Variants in OLFM2 observed in about 807,000 individuals in gnomAD.
OLFM2 encodes noelin-2.
In OLFM2, 20 loss-of-function variants were observed where a neutral mutation model predicts 43.9. The ratio of observed to expected loss-of-function variants is 0.46; its 90% CI spans 0.32 to 0.66. OLFM2 has a LOEUF of 0.66. Ranked by LOEUF, OLFM2 falls within the 30% of genes least tolerant of loss-of-function variation. The pLI, the probability that OLFM2 is intolerant of heterozygous loss-of-function variation, is 0.04. For missense variants in OLFM2, 416 were observed against 643.6 expected, an observed-to-expected ratio of 0.65 and a Z score of 3.83; for synonymous variants, 268 against 278.6, an observed-to-expected ratio of 0.96 and a Z score of 0.38.
intron 1 of OLFM2, among the ~76,000 whole-genome samples, chr19:9,869,499 T>A (rs1369597599): frequency 6.6e-6 from 1 of 152,222 alleles, no homozygotes; most frequent in Non-Finnish European, 1.5e-5. Flanking sequence ...ACAATGGACA[T>A]GATGACTACC....
intron 1 of OLFM2, among the ~76,000 whole-genome samples, chr19:9,905,951 G>T (rs1214604253): frequency 2.0e-5 from 3 of 152,146 alleles, no homozygotes; most frequent in African/African-American, 4.8e-5. Flanking sequence ...CCGCACACAA[G>T]ACACGCTCTC....
Position 9,936,374 on chromosome 19 carries a change from C to T in OLFM2, c.-8G>A, listed in dbSNP as rs1392058004. ...GACCGTGAGCGGCCACATGACGCGC[C>T]CCTAGCCCGGCGTCCCGACCCCCGC... On this transcript the variant is annotated 5_prime_UTR_variant, in exon 1 of 6. Coordinates refer to ENST00000264833, the MANE Select transcript of OLFM2 (RefSeq NM_058164.4). 5.5e-6 allele frequency: 8 copies of T among 1,450,958 alleles called. No individual in the cohort carries two copies. Among genetic ancestry groups the T allele is most frequent in the Non-Finnish European group, 7.2e-6 (8 of 1,104,610 alleles). The allele number at this position is 1,450,958 out of a possible 1,614,324, so 89.9% of individuals were successfully genotyped here.
chr19:9,891,565 C>T (rs1026509086), intron 1 of OLFM2, among the ~76,000 whole-genome samples: 3 of 150,844 alleles, frequency 2.0e-5, no homozygotes, highest in African/African-American at 7.3e-5. Flanking sequence ...CAGAGGTGAG[C>T]TGAGATGGCA....
chr19:9,878,135 C>T (rs1276134424), intron 1 of OLFM2, among the ~76,000 whole-genome samples: 1 of 152,196 alleles, frequency 6.6e-6, no homozygotes, highest in African/African-American at 2.4e-5. Flanking sequence ...CAGGCGTGAG[C>T]CACCACACCC....
At chr19:9,925,539 C>T (rs2086447459) in intron 1 of OLFM2, among the ~76,000 whole-genome samples, 1 of 151,978 alleles carries the variant, frequency 6.6e-6, no homozygotes, top group South Asian at 2.1e-4. Context: ...GCCTTGACCT[C>T]CTGGGCTCAA....
At chr19:9,877,474 G>A (rs560940060) in intron 1 of OLFM2, among the ~76,000 whole-genome samples, 7 of 151,832 alleles carry the variant, frequency 4.6e-5, no homozygotes, top group East Asian at 3.9e-4. Context: ...CGGAGGTTGC[G>A]GTGAGCCAAG....
intron 1 of OLFM2, among the ~76,000 whole-genome samples, chr19:9,908,500 C>T (rs2046801629): frequency 1.1e-5 from 1 of 87,170 alleles, no homozygotes; most frequent in Non-Finnish European, 2.0e-5. Context: ...TTTTTTGAGA[C>T]AGAGTCTTGC....
intron 1 of OLFM2, among the ~76,000 whole-genome samples, chr19:9,900,515 G>A (rs114052003): frequency 0.042 from 6,329 of 152,032 alleles, 187 homozygotes; most frequent in African/African-American, 0.086. Context: ...TCTCTACCAC[G>A]CACTGCACCC....
chr19:9,864,948 G>A (rs1311825004), intron 1 of OLFM2, among the ~76,000 whole-genome samples: 2 of 151,284 alleles, frequency 1.3e-5, no homozygotes, highest in African/African-American at 2.4e-5. Flanking sequence ...TAAGTCTCCC[G>A]GCACGGGTTT....
intron 1 of OLFM2, among the ~76,000 whole-genome samples, chr19:9,882,582 A>G (rs1196677113): frequency 1.3e-5 from 2 of 151,496 alleles, no homozygotes; most frequent in African/African-American, 2.4e-5. Context: ...GTGGAAACAC[A>G]CAATTCAGCC....
chr19:9,860,682 T>C lies in OLFM2; in HGVS notation c.176A>G (p.Asp59Gly). ...TTGCCGCAGCTCCCGACTCCTGCCA[T>C]CTCGAGAGCAGGTACTCTGCGCTGG... ...VIPAQSTCSRDGRSRELRQLM... is the reference protein window; with the variant it reads ...VIPAQSTCSRGGRSRELRQLM... Residue 59 changes from aspartate (D) to glycine (G), a missense_variant, in exon 2 of 6, where the codon GAT becomes GGT. Physicochemically the swap from Asp to Gly is moderately conservative, Grantham distance 94. Transcript: ENST00000264833. The C allele has an allele frequency of 1.3e-6, 2 of 1,598,942 alleles. No individual in the cohort carries two copies. The highest frequency in any genetic ancestry group is 1.7e-6 in the Non-Finnish European group (2 of 1,172,526).
At chr19:9,888,461 T>C (rs1354507648) in intron 1 of OLFM2, among the ~76,000 whole-genome samples, 2 of 146,048 alleles carry the variant, frequency 1.4e-5, no homozygotes, top group African/African-American at 5.1e-5. Context: ...GGGGCGGAGG[T>C]TGCGGTGAGC....
Position 9,854,518 on chromosome 19 carries a change from T to C in OLFM2, c.1033A>G (p.Ile345Val). 6 of 1,613,824 alleles carry C rather than the reference T, an allele frequency of 3.7e-6. No homozygotes were observed. The highest frequency in any genetic ancestry group is 1.1e-5 in the South Asian group (1 of 91,088). The change falls in exon 6 of 6, where the codon ATC becomes GTC. Residue 345 changes from isoleucine (I) to valine (V), a missense_variant. By Grantham distance (29) the Ile-to-Val change is conservative. Coordinates refer to ENST00000264833, the MANE Select transcript of OLFM2 (RefSeq NM_058164.4). This position sits in a 1 kb window ranked among gnomAD's most constrained non-coding sequence, Gnocchi z 9.5. ...VYTTNQNAGN[I>V]VVSRLDPHTL... ...TGCGGGTCCAGCCGGCTGACCACGA[T>C]GTTGCCCGCGTTCTGGTTGGTGGTG... is the stretch of plus-strand genomic sequence containing the variant.
chr19:9,857,433 T>C lies in OLFM2; in HGVS notation c.410A>G (p.Glu137Gly), dbSNP rs2046329914. The change falls in exon 4 of 6, where the codon GAG becomes GGG. Residue 137 changes from glutamate (E) to glycine (G), a missense_variant. Glu to Gly is a moderately conservative substitution (Grantham distance 98, BLOSUM62 -2). Coordinates refer to ENST00000264833, the MANE Select transcript of OLFM2 (RefSeq NM_058164.4). This position sits in a 1 kb window ranked among gnomAD's most constrained non-coding sequence, Gnocchi z 5.7. ...GGTCCGCGTGTCTGCCTTGTACTGC[T>C]CCAGGACCGAGCTCAGGGGCAACAG... ...TELLPLSSVL[E>G]QYKADTRTIV... 1 of 1,614,110 alleles carries C rather than the reference T, an allele frequency of 6.2e-7. No homozygotes were observed.
At chr19:9,912,490 GC>G (rs953702051) in intron 1 of OLFM2, among the ~76,000 whole-genome samples, 7 of 152,132 alleles carry the variant, frequency 4.6e-5, no homozygotes, top group African/African-American at 1.7e-4. Flanking sequence ...TTTGGGAGGA[GC>G]CCCCCAAACA....
intron 1 of OLFM2, among the ~76,000 whole-genome samples, chr19:9,935,408 G>C: frequency 6.6e-6 from 1 of 152,096 alleles, no homozygotes; most frequent in East Asian, 1.9e-4. Flanking sequence ...CCCTGAGCCT[G>C]CCCAAGAGAA....
At chr19:9,861,240 T>A (rs1477817299) in intron 1 of OLFM2, among the ~76,000 whole-genome samples, 5 of 151,744 alleles carry the variant, frequency 3.3e-5, no homozygotes, top group African/African-American at 1.2e-4. Flanking sequence ...TGTTGTTGTT[T>A]GTTTTTGAGA....
chr19:9,936,284 C>T lies in OLFM2; in HGVS notation c.63+20G>A, dbSNP rs1374975554. The T allele has an allele frequency of 2.0e-6, 3 of 1,528,308 alleles. No homozygotes were observed. The highest frequency in any genetic ancestry group is 2.5e-5 in the East Asian group (1 of 40,376). 94.7% of individuals were successfully genotyped at this position (1,528,308 alleles called of 1,614,324 possible). A position where few individuals can be genotyped will look rare whatever the true frequency, so the allele number is the denominator to read the frequency against. On this transcript the variant is annotated intron_variant, in intron 1 of 5. Transcript: ENST00000264833. ...TCTCCCGGAGCCACCCGCGCCCGCACCTGCCCGCCGGGCCCCTACCTGTCC... is the reference window on the plus strand; with the variant it reads ...TCTCCCGGAGCCACCCGCGCCCGCATCTGCCCGCCGGGCCCCTACCTGTCC...
chr19:9,901,187 G>A (rs895670024), intron 1 of OLFM2, among the ~76,000 whole-genome samples: 1 of 143,862 alleles, frequency 7.0e-6, no homozygotes, highest in African/African-American at 2.6e-5. Context: ...AAAGAAAGAA[G>A]GAAAGAAGGA....
Sources: gnomAD v4.1 joint callset for allele counts (sites outside exome capture counted in the v4.1 genomes callset) on GRCh38, gnomAD v4.1.1 for gene constraint, Gnocchi (gnomAD v3.1) non-coding constraint, MANE v1.5 for transcripts, NCBI Gene and HGNC (gene_info 2026-07-23, HGNC 2026-07-21) for gene names.